The following PGAP1 variants were observed in gnomAD, a reference collection of about 807,000 sequenced individuals.
The protein encoded by PGAP1 is GPI inositol-deacylase.
A neutral mutation model predicts 127.0 loss-of-function variants in PGAP1; 76 were observed. That is an observed-to-expected ratio of 0.60 (90% CI 0.50 to 0.72). The LOEUF (loss-of-function observed/expected upper bound fraction) is 0.72. PGAP1 is among the 30% of genes least tolerant of loss of function. The probability of loss-of-function intolerance (pLI) is 0.00; values close to 1 mark genes in which losing one functional copy is unlikely to be tolerated. For missense variants in PGAP1, 982 were observed against 1,071.3 expected (o/e 0.92, Z 1.16); for synonymous variants, 362 against 366.5 (o/e 0.99, Z 0.14).
chr2:196,918,561 G>GA (rs1472650113), intron 2 of PGAP1, among the ~76,000 whole-genome samples: 1 of 152,138 alleles, frequency 6.6e-6, no homozygotes, highest in Non-Finnish European at 1.5e-5. Flanking sequence ...CTGAGTGAAA[G>GA]AAGCCAGACA....
At chr2:196,901,055 G>T (rs1702472784) in intron 5 of PGAP1, among the ~76,000 whole-genome samples, 1 of 152,174 alleles carries the variant, frequency 6.6e-6, no homozygotes, top group African/African-American at 2.4e-5. Flanking sequence ...ATAAGCTTTA[G>T]GATGTGGTAT....
intron 18 of PGAP1, 106 bp downstream of exon 18, chr2:196,872,335 T>C (rs1701431963): frequency 4.4e-6 from 3 of 682,354 alleles, no homozygotes; most frequent in African/African-American, 1.8e-5. Flanking sequence ...CTATTTTTTA[T>C]ATGCATTGGC....
In PGAP1 at chr2:196,919,986, G is replaced by C; in HGVS notation, c.301+11C>G. ...TTATAGCTTTCAAAATTTACTTCCA[G>C]TAAGACTTACCTTGCTTATAACTTC... On this transcript the variant is annotated intron_variant, in intron 2 of 26. Coordinates refer to ENST00000354764, the MANE Select transcript of PGAP1 (RefSeq NM_024989.4). The C allele has an allele frequency of 6.3e-7, 1 of 1,597,062 alleles. No homozygotes were observed. The highest frequency in any genetic ancestry group is 8.5e-7 in the Non-Finnish European group (1 of 1,174,300).
At chr2:196,843,716 G>C (rs1031053111) in intron 25 of PGAP1, among the ~76,000 whole-genome samples, 172 bp downstream of exon 25, 1 of 151,458 alleles carries the variant, frequency 6.6e-6, no homozygotes, top group African/African-American at 2.4e-5. Context: ...CAACAAAGCG[G>C]GACTCCATCT....
chr2:196,835,886 C>A lies in PGAP1; in HGVS notation c.*5348G>T, dbSNP rs1700224099. ...AGTGCAACACGAAATACAAAATATG[C>A]CTATCATGTAGGCTTTTGAACAGTT... On this transcript the variant is annotated 3_prime_UTR_variant, in exon 27 of 27. Transcript: ENST00000354764. 1 of 151,962 alleles carries A rather than the reference C, an allele frequency of 6.6e-6. No individual in the cohort carries two copies. 9.4% of individuals were successfully genotyped at this position (151,962 alleles called of 1,614,324 possible). A position where few individuals can be genotyped will look rare whatever the true frequency, so the allele number is the denominator to read the frequency against.
intron 3 of PGAP1, among the ~76,000 whole-genome samples, chr2:196,915,142 C>A (rs867529014): frequency 1.3e-5 from 2 of 152,176 alleles, no homozygotes; most frequent in African/African-American, 2.4e-5. Flanking sequence ...TCTTTGACAA[C>A]AAACTCTCCT....
intron 13 of PGAP1, among the ~76,000 whole-genome samples, chr2:196,878,640 T>TACATATTAACCATTAC (rs1701636077): frequency 6.6e-6 from 1 of 152,194 alleles, no homozygotes; most frequent in South Asian, 2.1e-4. Flanking sequence ...CCATTACTAC[T>TACATATTAACCATTAC]ATAGTTAAAA....
chr2:196,841,320 T>C lies in PGAP1; in HGVS notation c.2683A>G (p.Ile895Val). ...QFPLPLAVGVIAFGSAHLYRL... is the reference protein window; with the variant it reads ...QFPLPLAVGVVAFGSAHLYRL... ...TATAAATGTGCTGACCCAAAAGCAA[T>C]CACACCAACAGCCAGAGGAAGTGGA... Residue 895 changes from isoleucine to valine, a missense_variant, in exon 27 of 27, where the codon ATT (isoleucine) becomes GTT (valine). Physicochemically the swap from Ile to Val is conservative, Grantham distance 29 (BLOSUM62 3). Transcript: ENST00000354764. 1 of 1,613,806 alleles carries C rather than the reference T, an allele frequency of 6.2e-7. No individual in the cohort carries two copies.
chr2:196,892,328 C>T lies in PGAP1; in HGVS notation c.1089+18G>A. 2 of 1,279,110 alleles carry T rather than the reference C, an allele frequency of 1.6e-6. No individual in the cohort carries two copies. Among genetic ancestry groups the T allele is most frequent in the Non-Finnish European group, 1.1e-6 (1 of 913,524 alleles). 79.2% of individuals were successfully genotyped at this position (1,279,110 alleles called of 1,614,324 possible). A position where few individuals can be genotyped will look rare whatever the true frequency, so the allele number is the denominator to read the frequency against. ...TCTGGAAAAAACATGAAAAAAAATCCATTGGTGGAATACTTACGTTGTAAG... is the reference window on the plus strand; with the variant it reads ...TCTGGAAAAAACATGAAAAAAAATCTATTGGTGGAATACTTACGTTGTAAG... On this transcript the variant is annotated intron_variant, in intron 9 of 26. Transcript: ENST00000354764.
chr2:196,898,641 C>A (rs1187424824), intron 5 of PGAP1, among the ~76,000 whole-genome samples: 2 of 152,174 alleles, frequency 1.3e-5, no homozygotes, highest in East Asian at 1.9e-4. Flanking sequence ...AAAGCAACCA[C>A]AGACTCCTAA....
chr2:196,911,807 T>C (rs1702831242), intron 4 of PGAP1, among the ~76,000 whole-genome samples: 1 of 152,170 alleles, frequency 6.6e-6, no homozygotes, highest in Non-Finnish European at 1.5e-5. Context: ...TCTTATTCTG[T>C]GACGTTATCA....
chr2:196,898,228 A>G, intron 6 of PGAP1, 89 bp downstream of exon 6: 1 of 978,410 alleles, frequency 1.0e-6, no homozygotes, highest in South Asian at 1.5e-5. Context: ...AAAAAAAAAA[A>G]AAAGTTAACA....
chr2:196,850,617 G>A (rs1020479479), intron 20 of PGAP1, among the ~76,000 whole-genome samples: 18 of 152,008 alleles, frequency 1.2e-4, no homozygotes, highest in African/African-American at 4.4e-4. Flanking sequence ...GGATGACAAG[G>A]CAGCAAGGAA....
intron 6 of PGAP1, 21 bp downstream of exon 6, chr2:196,898,296 G>A: frequency 6.4e-7 from 1 of 1,560,408 alleles, no homozygotes; most frequent in Non-Finnish European, 8.8e-7. Context: ...ATCAAAACAA[G>A]TTATACAAGT....
At chr2:196,885,721 A>C in intron 11 of PGAP1, 113 bp downstream of exon 11, 3 of 716,808 alleles carry the variant, frequency 4.2e-6, no homozygotes, top group Non-Finnish European at 6.2e-6. Context: ...AAACAATATT[A>C]TAATTTCATA....
chr2:196,883,721 A>T (rs1701804482), intron 12 of PGAP1, among the ~76,000 whole-genome samples: 2 of 152,212 alleles, frequency 1.3e-5, no homozygotes, highest in South Asian at 4.1e-4. Context: ...ACTTTTATTG[A>T]GATATTAATA....
At chr2:196,893,564 T>C (rs1476786045) in intron 7 of PGAP1, among the ~76,000 whole-genome samples, 2 of 152,208 alleles carry the variant, frequency 1.3e-5, no homozygotes, top group Admixed American at 6.5e-5. Flanking sequence ...TATGCAATAG[T>C]GTCTCTCAAG....
At chr2:196,887,338 C>A (rs192290509) in intron 10 of PGAP1, among the ~76,000 whole-genome samples, 1 of 152,002 alleles carries the variant, frequency 6.6e-6, no homozygotes, top group Admixed American at 6.5e-5. Flanking sequence ...GAGCCGAGAT[C>A]GCGCCACTGC....
At chr2:196,852,270 CAAAAATCCCCTAAGA>C (rs1339863583) in intron 20 of PGAP1, among the ~76,000 whole-genome samples, 3 of 151,854 alleles carry the variant, frequency 2.0e-5, no homozygotes, top group Non-Finnish European at 4.4e-5. Context: ...CATAGTTGGC[CAAAAATCCCCTAAGA>C]AATTCTATTC....
Sources: gnomAD v4.1 joint callset for allele counts (sites outside exome capture counted in the v4.1 genomes callset) on GRCh38, gnomAD v4.1.1 for gene constraint, MANE v1.5 for transcripts, NCBI Gene and HGNC (gene_info 2026-07-23, HGNC 2026-07-21) for gene names.